The following BRAF variants were observed in gnomAD, a reference collection of about 807,000 sequenced individuals.
BRAF encodes the protein serine/threonine-protein kinase B-raf.
Under a neutral mutation model 104.6 loss-of-function variants are expected in BRAF, and 16 were observed. That is an observed-to-expected ratio of 0.15 (90% CI 0.10 to 0.23). BRAF has a LOEUF of 0.23. Among genes scored for constraint, BRAF ranks in the 10% least tolerant of loss-of-function variants. The pLI, the probability that BRAF is intolerant of heterozygous loss-of-function variation, is 1.00. For missense variants in BRAF, 541 were observed against 937.3 expected, an observed-to-expected ratio of 0.58 and a Z score of 5.52; for synonymous variants, 310 against 341.6, an observed-to-expected ratio of 0.91 and a Z score of 1.02.
chr7:140,753,123 AATCT>A, intron 16 of BRAF, 148 bp downstream of exon 15: 1 of 634,894 alleles, frequency 1.6e-6, no homozygotes, highest in Non-Finnish European at 2.7e-6. Flanking sequence ...AAAGTTAAAA[AATCT>A]ATTTACATAA....
At chr7:140,774,410 C>T (rs1800132028) in intron 14 of BRAF, among the ~76,000 whole-genome samples, 1 of 152,218 alleles carries the variant, frequency 6.6e-6, no homozygotes, top group Non-Finnish European at 1.5e-5. Flanking sequence ...GTTCTTCAGA[C>T]TGCAGCACTA....
At chr7:140,844,674 C>T (rs1285220814) in intron 2 of BRAF, among the ~76,000 whole-genome samples, 1 of 152,266 alleles carries the variant, frequency 6.6e-6, no homozygotes, top group East Asian at 1.9e-4. Flanking sequence ...ACCTGTAATC[C>T]CACCACTTTG....
intron 8 of BRAF, among the ~76,000 whole-genome samples, chr7:140,790,575 T>C (rs1168666880): frequency 2.0e-5 from 3 of 152,306 alleles, no homozygotes; most frequent in African/African-American, 2.4e-5. Flanking sequence ...CAAACCACTA[T>C]GGAAGGCAAA....
At chr7:140,866,373 A>C (rs972092927) in intron 1 of BRAF, among the ~76,000 whole-genome samples, 13 of 152,260 alleles carry the variant, frequency 8.5e-5, no homozygotes, top group Non-Finnish European at 1.5e-4. Context: ...TATCATTCCA[A>C]AATTAAAAGT....
At chr7:140,807,007 G>A (rs373629966) in intron 5 of BRAF, among the ~76,000 whole-genome samples, 2 of 152,094 alleles carry the variant, frequency 1.3e-5, no homozygotes, top group African/African-American at 4.8e-5. Flanking sequence ...CATACATAGA[G>A]AAAAGTAAGA....
intron 1 of BRAF, among the ~76,000 whole-genome samples, chr7:140,857,612 C>A (rs1298406241): frequency 6.6e-6 from 1 of 152,020 alleles, no homozygotes; most frequent in African/African-American, 2.4e-5. Flanking sequence ...ACAAAATAAG[C>A]ATTATTAGAT....
chr7:140,823,515 T>A (rs957683052), intron 3 of BRAF: 5 of 152,158 alleles, frequency 3.3e-5, no homozygotes, highest in Non-Finnish European at 4.4e-5. Context: ...TGAATAATAT[T>A]CCAATGTATA....
At chr7:140,904,591 A>G (rs1370801992) in intron 1 of BRAF, among the ~76,000 whole-genome samples, 1 of 152,108 alleles carries the variant, frequency 6.6e-6, no homozygotes, top group African/African-American at 2.4e-5. Flanking sequence ...TCTAACTTCC[A>G]TTGTGATTTC....
At chr7:140,761,365 C>T (rs1436157537) in intron 14 of BRAF, among the ~76,000 whole-genome samples, 1 of 152,012 alleles carries the variant, frequency 6.6e-6, no homozygotes, top group East Asian at 1.9e-4. Context: ...CCCAGGCCTG[C>T]CCTAAAAGAA....
chr7:140,882,197 T>A (rs1332073714), intron 1 of BRAF, among the ~76,000 whole-genome samples: 1 of 152,128 alleles, frequency 6.6e-6, no homozygotes, highest in African/African-American at 2.4e-5. Context: ...AATAAAAAAA[T>A]GTCTACAATC....
intron 3 of BRAF, among the ~76,000 whole-genome samples, chr7:140,810,270 A>C (rs1804106184): frequency 6.6e-6 from 1 of 151,644 alleles, no homozygotes; most frequent in South Asian, 2.1e-4. Flanking sequence ...GTGCAATATA[A>C]CCATTAAAAC....
At chr7:140,838,458 G>A (rs1035722760) in intron 2 of BRAF, among the ~76,000 whole-genome samples, 1 of 152,070 alleles carries the variant, frequency 6.6e-6, no homozygotes, top group African/African-American at 2.4e-5. Flanking sequence ...ACTCCAGCCT[G>A]GCAACGAGAG....
chr7:140,836,238 T>G (rs181312110), intron 2 of BRAF: 3 of 152,324 alleles, frequency 2.0e-5, no homozygotes, highest in Admixed American at 2.0e-4. Context: ...AATGAAGCTT[T>G]AGCAGCATCC....
intron 18 of BRAF, among the ~76,000 whole-genome samples, chr7:140,738,394 G>A (rs879526906): frequency 2.6e-5 from 4 of 152,106 alleles, no homozygotes; most frequent in Non-Finnish European, 4.4e-5. Flanking sequence ...ACTCAGCTAG[G>A]ACTGGGCATT....
At chr7:140,767,736 A>T (rs1024805945) in intron 14 of BRAF, among the ~76,000 whole-genome samples, 4 of 152,336 alleles carry the variant, frequency 2.6e-5, no homozygotes, top group African/African-American at 9.6e-5. Flanking sequence ...TAATGGTTAA[A>T]GGAATACACC....
rs569954594 is a variant in BRAF at position 140,834,444 on chromosome 7, T to C, written c.504+165A>G. On this transcript the variant is annotated intron_variant, in intron 3 of 19. Coordinates refer to ENST00000644969, the MANE Select transcript of BRAF (RefSeq NM_001374258.1). Reference sequence around the variant, plus strand: ...TACCATTTATTTCAGTTAAGGAATATAGACTTTGCCACCAAATAATTACAT... The same window carrying C: ...TACCATTTATTTCAGTTAAGGAATACAGACTTTGCCACCAAATAATTACAT... The C allele has an allele frequency of 8.2e-4, 803 of 984,604 alleles. 1 individual carries two copies. The highest frequency in any genetic ancestry group is 1.2e-3 in the Admixed American group (51 of 41,702). The allele number at this position is 984,604 out of a possible 1,614,324, so 61.0% of individuals were successfully genotyped here.
chr7:140,912,692 A>T (rs1400904152), intron 1 of BRAF, among the ~76,000 whole-genome samples: 4 of 151,944 alleles, frequency 2.6e-5, no homozygotes, highest in South Asian at 2.1e-4. Flanking sequence ...CAATCAAAAC[A>T]TCTCCTTCAA....
intron 1 of BRAF, among the ~76,000 whole-genome samples, chr7:140,875,593 G>C (rs1253165275): frequency 6.6e-6 from 1 of 152,166 alleles, no homozygotes; most frequent in Non-Finnish European, 1.5e-5. Flanking sequence ...GGCCAGGCTG[G>C]TCTCGAACTC....
At chr7:140,781,433 T>C (rs938548420) in intron 12 of BRAF, 143 bp downstream of exon 11, 8 of 847,870 alleles carry the variant, frequency 9.4e-6, no homozygotes, top group Non-Finnish European at 1.4e-5. Flanking sequence ...TGTTAGAAAC[T>C]TTTGGAGGAG....
Sources: gnomAD v4.1 joint callset for allele counts (sites outside exome capture counted in the v4.1 genomes callset) on GRCh38, gnomAD v4.1.1 for gene constraint, MANE v1.5 for transcripts, NCBI Gene and HGNC (gene_info 2026-07-23, HGNC 2026-07-21) for gene names.